LIMK2: variants seen among roughly 807,000 people sequenced by gnomAD.
LIMK2 encodes the protein LIM domain kinase 2.
In LIMK2, 35 loss-of-function variants were observed where a neutral mutation model predicts 75.7. That is an observed-to-expected ratio of 0.46 (90% CI 0.35 to 0.61). The LOEUF (loss-of-function observed/expected upper bound fraction) is 0.61. Ranked by LOEUF, LIMK2 falls within the 20% of genes least tolerant of loss-of-function variation. The pLI is 0.00. For missense variants in LIMK2, 623 were observed against 831.0 expected (o/e 0.75, Z 3.08); for synonymous variants, 301 against 319.2 (o/e 0.94, Z 0.61).
intron 11 of LIMK2, 92 bp from the exon 12 acceptor site, chr22:31,271,044 C>A: frequency 8.5e-7 from 1 of 1,180,132 alleles, no homozygotes; most frequent in Non-Finnish European, 1.3e-6. Flanking sequence ...GTGGGCATGG[C>A]CTGGTAGGAG....
chr22:31,244,819 C>T (rs2048653093), intron 2 of LIMK2, among the ~76,000 whole-genome samples: 1 of 152,186 alleles, frequency 6.6e-6, no homozygotes, highest in African/African-American at 2.4e-5. Flanking sequence ...AGTGCATTGT[C>T]GCATTCAAAC....
At chr22:31,244,258 C>T (rs768171406) in intron 2 of LIMK2, among the ~76,000 whole-genome samples, 1 of 152,232 alleles carries the variant, frequency 6.6e-6, no homozygotes, top group South Asian at 2.1e-4. Flanking sequence ...GCCTCAGTCT[C>T]TTTGTGGCTT....
At chr22:31,246,530 C>G (rs1202954068) in intron 2 of LIMK2, among the ~76,000 whole-genome samples, 3 of 152,072 alleles carry the variant, frequency 2.0e-5, no homozygotes, top group African/African-American at 7.2e-5. Flanking sequence ...GATATTTGCT[C>G]TCTGGCCCTT....
intron 1 of LIMK2, among the ~76,000 whole-genome samples, chr22:31,217,727 C>A (rs1057486399): frequency 1.3e-5 from 2 of 152,162 alleles, no homozygotes; most frequent in African/African-American, 2.4e-5. Flanking sequence ...CCTACTCATT[C>A]ACAGTTGAGT....
intron 2 of LIMK2, among the ~76,000 whole-genome samples, chr22:31,250,967 C>T (rs2048719335): frequency 6.6e-6 from 1 of 152,172 alleles, no homozygotes; most frequent in Non-Finnish European, 1.5e-5. Flanking sequence ...TCCATGGGGA[C>T]ATGATCAGGC....
At chr22:31,223,685 C>T (rs527416380) in intron 1 of LIMK2, among the ~76,000 whole-genome samples, 3 of 152,304 alleles carry the variant, frequency 2.0e-5, no homozygotes, top group African/African-American at 7.2e-5. Flanking sequence ...GAGTGAGTCT[C>T]TCAGACTTTC....
intron 2 of LIMK2, among the ~76,000 whole-genome samples, chr22:31,252,983 A>T (rs182610316): frequency 2.0e-5 from 3 of 152,362 alleles, no homozygotes; most frequent in African/African-American, 7.2e-5. Context: ...CTGCTGACTC[A>T]AAAGGTCTCT....
chr22:31,213,252 C>T (rs2048362850), intron 1 of LIMK2, among the ~76,000 whole-genome samples: 1 of 152,150 alleles, frequency 6.6e-6, no homozygotes, highest in Non-Finnish European at 1.5e-5. Flanking sequence ...CCTGCAGTCA[C>T]CTCCCCGCCA....
In LIMK2 at chr22:31,246,179, G is replaced by GCA. The variant is rs1341395963; in HGVS notation, c.117-12110_117-12109dup. On this transcript the variant is annotated intron_variant, in intron 2 of 15. Coordinates refer to ENST00000331728, the MANE Select transcript of LIMK2 (RefSeq NM_005569.4). ...CAGAGCGAGACTCCGACACACGCACGCACGCACACACACACACACACACAC... is the reference window on the plus strand; with the variant it reads ...CAGAGCGAGACTCCGACACACGCACGCACACGCACACACACACACACACACAC... Among the ~76,000 whole-genome samples, 171 of 69,808 alleles carry GCA rather than the reference G, an allele frequency of 2.4e-3. 1 individual carries two copies. The highest frequency in any genetic ancestry group is 5.4e-3 in the East Asian group (11 of 2,024). The allele number at this position is 69,808 out of a possible 152,430, so 45.8% of individuals were successfully genotyped here. A position where few individuals can be genotyped will look rare whatever the true frequency, so the allele number is the denominator to read the frequency against.
chr22:31,246,898 TA>T (rs1330613753), intron 2 of LIMK2, among the ~76,000 whole-genome samples: 1 of 152,194 alleles, frequency 6.6e-6, no homozygotes, highest in Non-Finnish European at 1.5e-5. Flanking sequence ...ACTGGCAATT[TA>T]AACATGATGG....
At chr22:31,257,040 A>ATTTTTTTTTTTTTTTTTTTTTTTTTTTT in intron 2 of LIMK2, among the ~76,000 whole-genome samples, 1 of 75,054 alleles carries the variant, frequency 1.3e-5, no homozygotes, top group Non-Finnish European at 3.0e-5. Context: ...GGAGCTATAG[A>ATTTTTTTTTTTTTTTTTTTTTTTTTTTT]TTTTTTTTTT....
At chr22:31,263,676 CA>C (rs34111805) in intron 7 of LIMK2, among the ~76,000 whole-genome samples, 10 of 144,256 alleles carry the variant, frequency 6.9e-5, no homozygotes, top group Non-Finnish European at 1.2e-4. Context: ...ACTGTCTCTA[CA>C]AAAAAAAAAT....
chr22:31,265,910 C>G, intron 7 of LIMK2, 36 bp from the exon 8 acceptor site: 18 of 1,597,326 alleles, frequency 1.1e-5, no homozygotes, highest in Non-Finnish European at 1.5e-5. Context: ...TCTCTGAGGA[C>G]TACACATCCC....
intron 2 of LIMK2, among the ~76,000 whole-genome samples, chr22:31,230,523 T>C (rs1190167703): frequency 6.6e-6 from 1 of 152,182 alleles, no homozygotes; most frequent in Non-Finnish European, 1.5e-5. Flanking sequence ...CTTGACCTGG[T>C]TCCTAGCAGC....
intron 2 of LIMK2, among the ~76,000 whole-genome samples, chr22:31,235,540 C>T (rs1008470716): frequency 2.0e-5 from 3 of 152,078 alleles, no homozygotes; most frequent in Non-Finnish European, 4.4e-5. Flanking sequence ...TAGGTACCTC[C>T]GGAGAGGAGG....
chr22:31,274,003 T>G (rs966893784), intron 14 of LIMK2, among the ~76,000 whole-genome samples: 4 of 132,652 alleles, frequency 3.0e-5, no homozygotes, highest in African/African-American at 1.1e-4. Context: ...CCGGCCAGGT[T>G]TTTTTTTTTT....
chr22:31,270,818 G>A (rs2048948975), intron 11 of LIMK2, among the ~76,000 whole-genome samples: 1 of 152,180 alleles, frequency 6.6e-6, no homozygotes, highest in South Asian at 2.1e-4. Context: ...AGGTGGAGGG[G>A]GTGCTGCAAC....
intron 2 of LIMK2, among the ~76,000 whole-genome samples, chr22:31,239,945 T>C (rs73158536): frequency 2.7e-3 from 417 of 152,352 alleles, no homozygotes; most frequent in Non-Finnish European, 4.3e-3. Context: ...CTCAAACTTA[T>C]GTAGACTAAG....
chr22:31,259,785 T>G, intron 4 of LIMK2, 104 bp from the exon 5 acceptor site: 9 of 940,732 alleles, frequency 9.6e-6, no homozygotes, highest in Non-Finnish European at 1.4e-5. Context: ...AGGGTGGTAG[T>G]GAGACTATGG....
Sources: allele counts gnomAD v4.1 joint callset (sites outside exome capture counted in the v4.1 genomes callset), GRCh38; gene constraint gnomAD v4.1.1; transcripts MANE v1.5; gene names NCBI Gene and HGNC (gene_info 2026-07-23, HGNC 2026-07-21).